The following RFX4 variants were observed in gnomAD, a reference collection of about 807,000 sequenced individuals.
RFX4 encodes the protein transcription factor RFX4.
In RFX4, 10 loss-of-function variants were observed where a neutral mutation model predicts 95.0. That is an observed-to-expected ratio of 0.11 (90% CI 0.06 to 0.18). The LOEUF is 0.18. Among genes scored for constraint, RFX4 ranks in the 10% least tolerant of loss-of-function variants. RFX4 has a pLI of 1.00. For missense variants in RFX4, 640 were observed against 922.0 expected, an observed-to-expected ratio of 0.69 and a Z score of 3.96; for synonymous variants, 321 against 340.7, an observed-to-expected ratio of 0.94 and a Z score of 0.64.
At chr12:106,706,595 A>C (rs1466385457) in intron 8 of RFX4, among the ~76,000 whole-genome samples, 7 of 152,244 alleles carry the variant, frequency 4.6e-5, no homozygotes, top group Non-Finnish European at 1.0e-4. Context: ...TGAATTAATC[A>C]AGTCTTTAGA....
intron 2 of RFX4, among the ~76,000 whole-genome samples, chr12:106,618,623 C>T (rs1339599435): frequency 6.6e-6 from 1 of 151,730 alleles, no homozygotes; most frequent in Non-Finnish European, 1.5e-5. Flanking sequence ...TTTTTATTTT[C>T]AATCTTACTA....
At chr12:106,648,055 C>G (rs1384887393) in intron 3 of RFX4, among the ~76,000 whole-genome samples, 1 of 152,182 alleles carries the variant, frequency 6.6e-6, no homozygotes, top group African/African-American at 2.4e-5. Context: ...GAGGATGTGG[C>G]TTTTCCTACA....
At chr12:106,725,074 T>A (rs1324157544) in intron 13 of RFX4, among the ~76,000 whole-genome samples, 1 of 151,982 alleles carries the variant, frequency 6.6e-6, no homozygotes, top group Admixed American at 6.6e-5. Flanking sequence ...GTTCTAGTTA[T>A]TGTTGCCATT....
At chr12:106,601,146 G>A (rs1028278400) in intron 1 of RFX4, 4 of 1,445,196 alleles carry the variant, frequency 2.8e-6, no homozygotes, top group Non-Finnish European at 3.7e-6. Flanking sequence ...CGTTGCCATG[G>A]CAACCCACTG....
rs949603889 is a variant in RFX4, at chr12:106,586,139, C to G, written c.43+2776C>G. 6.6e-6 allele frequency among the ~76,000 whole-genome samples: 1 copy of G among 152,208 alleles called. No individual in the cohort carries two copies. The highest frequency in any genetic ancestry group is 2.4e-5 in the African/African-American group (1 of 41,462). On this transcript the variant is annotated intron_variant, in intron 1 of 17. Coordinates refer to ENST00000392842, the MANE Select transcript of RFX4 (RefSeq NM_213594.3). The surrounding 1 kb of genome is among the most constrained non-coding windows in gnomAD (Gnocchi z 5.6). ...GCCCCTCTCGGAGGCAAAGCCCCAGCTTGCCGCGCGCCGCGGTGCTCCGGC... is the reference window on the plus strand; with the variant it reads ...GCCCCTCTCGGAGGCAAAGCCCCAGGTTGCCGCGCGCCGCGGTGCTCCGGC...
chr12:106,701,739 A>G (rs2041995892), intron 8 of RFX4, among the ~76,000 whole-genome samples: 1 of 152,272 alleles, frequency 6.6e-6, no homozygotes, highest in South Asian at 2.1e-4. Context: ...TTTAAAAGTA[A>G]TTTCTGCATT....
At chr12:106,723,165 TC>T (rs1474877053) in intron 13 of RFX4, among the ~76,000 whole-genome samples, 1 of 152,154 alleles carries the variant, frequency 6.6e-6, no homozygotes, top group Non-Finnish European at 1.5e-5. Flanking sequence ...TTCACTCTCT[TC>T]TCCTTAATTC....
chr12:106,702,997 T>C (rs915029121), intron 8 of RFX4, among the ~76,000 whole-genome samples: 1 of 152,238 alleles, frequency 6.6e-6, no homozygotes, highest in Non-Finnish European at 1.5e-5. Context: ...GATGTGAACT[T>C]CTTTTGCATC....
chr12:106,589,649 A>G (rs1429060107), intron 1 of RFX4, among the ~76,000 whole-genome samples: 1 of 152,190 alleles, frequency 6.6e-6, no homozygotes, highest in East Asian at 1.9e-4. Flanking sequence ...CCCAGGCCAC[A>G]TCACCTAGAC....
At chr12:106,736,795 C>G (rs2042716714) in intron 15 of RFX4, among the ~76,000 whole-genome samples, 1 of 152,120 alleles carries the variant, frequency 6.6e-6, no homozygotes, top group Non-Finnish European at 1.5e-5. Flanking sequence ...AGGCCACCCC[C>G]ACCTCTCATG....
rs1384366810 is a variant in RFX4, at chr12:106,608,847, A to C, written c.94A>C (p.Ser32Arg). The change falls in exon 2 of 18, where the codon AGC becomes CGC. Residue 32 changes from serine (S) to arginine (R), a missense_variant. Physicochemically the swap from Ser to Arg is moderately radical, Grantham distance 110 (BLOSUM62 -1). This residue lies in a region of RFX4 where 63 missense variants were observed against 68.8 expected (regional missense o/e 0.92). Coordinates refer to ENST00000392842, the MANE Select transcript of RFX4 (RefSeq NM_213594.3). ...CGAAAGTGAAAACAAACGTTATTCC[A>C]GCCACACATCTCTGGGGAATGTTTC... The part of the protein sequence containing the change: ...LNESENKRYS[S>R]HTSLGNVSND... 6.2e-7 allele frequency: 1 copy of C among 1,611,630 alleles called. No individual in the cohort carries two copies. Among genetic ancestry groups the C allele is most frequent in the Non-Finnish European group, 8.5e-7 (1 of 1,179,496 alleles).
At chr12:106,626,502 C>T (rs765568233) in intron 2 of RFX4, among the ~76,000 whole-genome samples, 3 of 152,090 alleles carry the variant, frequency 2.0e-5, no homozygotes, top group Non-Finnish European at 4.4e-5. Flanking sequence ...CACTGAGGGA[C>T]CTGAATTCCA....
chr12:106,625,663 G>T (rs2040282917), intron 2 of RFX4, among the ~76,000 whole-genome samples: 1 of 152,112 alleles, frequency 6.6e-6, no homozygotes, highest in African/African-American at 2.4e-5. Context: ...TGCAAAAGTT[G>T]GGCCCAGAAG....
At chr12:106,699,834 C>A (rs538396535) in intron 8 of RFX4, among the ~76,000 whole-genome samples, 1 of 151,840 alleles carries the variant, frequency 6.6e-6, no homozygotes, top group Non-Finnish European at 1.5e-5. Flanking sequence ...TATTGTCTGG[C>A]AATTTTCCTT....
chr12:106,674,334 CTT>C (rs777169973), intron 4 of RFX4, among the ~76,000 whole-genome samples: 1 of 144,866 alleles, frequency 6.9e-6, no homozygotes. Flanking sequence ...CATTTTCTTT[CTT>C]TTTTTTTTTT....
chr12:106,618,160 G>A (rs975402408), intron 2 of RFX4, among the ~76,000 whole-genome samples: 2 of 151,846 alleles, frequency 1.3e-5, no homozygotes, highest in Non-Finnish European at 2.9e-5. Flanking sequence ...ATAGATAACA[G>A]TTATGTGATT....
chr12:106,684,736 A>T, intron 5 of RFX4: 1 of 1,520,936 alleles, frequency 6.6e-7, no homozygotes, highest in Non-Finnish European at 8.9e-7. Context: ...GACAGTTGAG[A>T]AGTAGTAGAA....
chr12:106,703,594 A>G (rs1432759893), intron 8 of RFX4, among the ~76,000 whole-genome samples: 2 of 152,240 alleles, frequency 1.3e-5, no homozygotes, highest in Non-Finnish European at 2.9e-5. Context: ...AGTAAAACAC[A>G]TCTTTATAAG....
At chr12:106,669,852 G>GTGTGTGTC (rs1455518035) in intron 4 of RFX4, among the ~76,000 whole-genome samples, 2 of 151,004 alleles carry the variant, frequency 1.3e-5, no homozygotes, top group African/African-American at 4.9e-5. Context: ...GTGTGTGTGT[G>GTGTGTGTC]TGTGTGTGTG....
Sources: allele counts gnomAD v4.1 joint callset (sites outside exome capture counted in the v4.1 genomes callset), GRCh38; gene constraint gnomAD v4.1.1; regional missense constraint gnomAD v4.1.1; non-coding constraint Gnocchi (gnomAD v3.1); transcripts MANE v1.5; gene names NCBI Gene and HGNC (gene_info 2026-07-23, HGNC 2026-07-21).